Variants in ZFPM2 observed in about 807,000 individuals in gnomAD.
ZFPM2 encodes zinc finger protein, FOG family member 2.
ZFPM2 carries 20 observed loss-of-function variants against 98.6 expected under a neutral mutation model. The observed-to-expected ratio is 0.20, with a 90% CI of 0.14 to 0.29. The LOEUF is 0.29. Ranked by LOEUF, ZFPM2 falls within the 10% of genes least tolerant of loss-of-function variation. ZFPM2 has a pLI of 1.00. For synonymous variants in ZFPM2, 518 were observed against 502.7 expected, an observed-to-expected ratio of 1.03 and a Z score of -0.41; for missense variants, 1,310 against 1,388.6, an observed-to-expected ratio of 0.94 and a Z score of 0.90.
intron 5 of ZFPM2, among the ~76,000 whole-genome samples, chr8:105,751,998 C>T (rs1054586808): frequency 6.6e-6 from 1 of 152,094 alleles, no homozygotes; most frequent in Non-Finnish European, 1.5e-5. Flanking sequence ...TCGTTCTCTA[C>T]AGATCATTAC....
At chr8:105,693,117 T>C (rs1291018000) in intron 5 of ZFPM2, among the ~76,000 whole-genome samples, 1 of 152,162 alleles carries the variant, frequency 6.6e-6, no homozygotes, top group Non-Finnish European at 1.5e-5. Context: ...TGTGGAGATA[T>C]TAGAGAAGAA....
intron 4 of ZFPM2, among the ~76,000 whole-genome samples, chr8:105,596,739 C>CTTTTT (rs910632602): frequency 0.012 from 682 of 58,948 alleles, 27 homozygotes; most frequent in Non-Finnish European, 0.02. Flanking sequence ...CCTTTGTCTG[C>CTTTTT]TTTTTTTTTT....
At chr8:105,540,628 T>A (rs1303325973) in intron 3 of ZFPM2, among the ~76,000 whole-genome samples, 1 of 152,154 alleles carries the variant, frequency 6.6e-6, no homozygotes, top group Non-Finnish European at 1.5e-5. Flanking sequence ...TTGGAGACCC[T>A]GTTTTAAAAA....
chr8:105,600,420 A>T (rs533482679), intron 4 of ZFPM2, among the ~76,000 whole-genome samples: 2 of 152,244 alleles, frequency 1.3e-5, no homozygotes, highest in African/African-American at 4.8e-5. Context: ...AAAATACATC[A>T]TTGAAACATT....
At chr8:105,519,226 G>A (rs187807262) in intron 3 of ZFPM2, among the ~76,000 whole-genome samples, 1 of 152,108 alleles carries the variant, frequency 6.6e-6, no homozygotes, top group East Asian at 1.9e-4. Flanking sequence ...GAGCCCGTGT[G>A]TTTAAGTTAT....
chr8:105,382,098 A>G (rs1810900723), intron 1 of ZFPM2, among the ~76,000 whole-genome samples: 4 of 152,088 alleles, frequency 2.6e-5, no homozygotes, highest in Admixed American at 2.0e-4. Context: ...CTATTTAGAG[A>G]TGGTTGAAAT....
intron 5 of ZFPM2, among the ~76,000 whole-genome samples, chr8:105,763,358 C>T (rs771733680): frequency 4.6e-5 from 7 of 151,724 alleles, no homozygotes; most frequent in Non-Finnish European, 8.8e-5. Flanking sequence ...ATAAATCACT[C>T]CCCAGAAGGA....
At chr8:105,335,232 G>C (rs1465604656) in intron 1 of ZFPM2, among the ~76,000 whole-genome samples, 1 of 151,744 alleles carries the variant, frequency 6.6e-6, no homozygotes, top group Non-Finnish European at 1.5e-5. Flanking sequence ...AATGCAACTT[G>C]AGAAAGGTTG....
intron 5 of ZFPM2, among the ~76,000 whole-genome samples, chr8:105,675,093 T>A (rs1188982535): frequency 2.6e-5 from 4 of 151,846 alleles, no homozygotes; most frequent in African/African-American, 7.3e-5. Context: ...GGACTGGGAG[T>A]AAAGTAATAG....
intron 4 of ZFPM2, among the ~76,000 whole-genome samples, chr8:105,620,347 T>C (rs1816512795): frequency 6.6e-6 from 1 of 152,214 alleles, no homozygotes; most frequent in African/African-American, 2.4e-5. Flanking sequence ...GGAGTGTCTG[T>C]TCATATCCTT....
chr8:105,802,064 A>C lies in ZFPM2; in HGVS notation c.1982A>C (p.Asp661Ala), dbSNP rs1419659656. 2 of 1,613,814 alleles carry C rather than the reference A, an allele frequency of 1.2e-6. No individual in the cohort carries two copies. Among genetic ancestry groups the C allele is most frequent in the Admixed American group, 3.3e-5 (2 of 60,006 alleles). ...CTCTCCACCTCCAGTAACAATGATG[A>C]CAAAATTAATGGAAAACCTGTTGAT... The part of the protein sequence containing the change: ...KKLSTSSNND[D>A]KINGKPVDVK... The change falls in exon 8 of 8, where the codon GAC becomes GCC. Residue 661 changes from aspartate to alanine, a missense_variant. Physicochemically the swap from Asp to Ala is moderately radical, Grantham distance 126. Transcript: ENST00000407775.
intron 1 of ZFPM2, among the ~76,000 whole-genome samples, chr8:105,395,758 T>C (rs1563639328): frequency 6.6e-6 from 1 of 152,224 alleles, no homozygotes; most frequent in Non-Finnish European, 1.5e-5. Flanking sequence ...TTATAACTTC[T>C]ATGAGATAGT....
intron 3 of ZFPM2, among the ~76,000 whole-genome samples, chr8:105,463,019 A>G (rs1470758439): frequency 3.9e-5 from 6 of 152,086 alleles, no homozygotes. Flanking sequence ...AAATAATAAA[A>G]AAAATATAAA....
intron 1 of ZFPM2, among the ~76,000 whole-genome samples, chr8:105,365,140 G>A (rs999637363): frequency 6.6e-6 from 1 of 152,126 alleles, no homozygotes; most frequent in East Asian, 1.9e-4. Context: ...TATTTAGCAT[G>A]CTTTCAGTGT....
At chr8:105,762,932 G>A (rs1228368893) in intron 5 of ZFPM2, among the ~76,000 whole-genome samples, 4 of 151,558 alleles carry the variant, frequency 2.6e-5, no homozygotes, top group African/African-American at 9.7e-5. Context: ...TATTGAAAGA[G>A]ATTTTTTAAA....
chr8:105,569,666 C>T (rs967831668), intron 4 of ZFPM2, among the ~76,000 whole-genome samples: 25 of 152,268 alleles, frequency 1.6e-4, no homozygotes, highest in African/African-American at 5.1e-4. Context: ...TGAGGTGTTG[C>T]GCCTAGTGAG....
At chr8:105,726,474 T>G (rs1401634083) in intron 5 of ZFPM2, among the ~76,000 whole-genome samples, 2 of 151,800 alleles carry the variant, frequency 1.3e-5, no homozygotes, top group Non-Finnish European at 2.9e-5. Flanking sequence ...CCAGAAATGT[T>G]CTAGGCTACC....
chr8:105,350,022 C>T (rs937828392), intron 1 of ZFPM2, among the ~76,000 whole-genome samples: 4 of 151,918 alleles, frequency 2.6e-5, no homozygotes, highest in Non-Finnish European at 4.4e-5. Context: ...AGTTTTTTTA[C>T]GTTTTTAAGG....
intron 5 of ZFPM2, among the ~76,000 whole-genome samples, chr8:105,664,049 G>C (rs955138082): frequency 6.6e-6 from 1 of 152,124 alleles, no homozygotes; most frequent in Non-Finnish European, 1.5e-5. Flanking sequence ...TGGAAAAGAG[G>C]AGTATTTTAA....
Sources: allele counts gnomAD v4.1 joint callset (sites outside exome capture counted in the v4.1 genomes callset), GRCh38; gene constraint gnomAD v4.1.1; transcripts MANE v1.5; gene names NCBI Gene and HGNC (gene_info 2026-07-23, HGNC 2026-07-21).